Variants in KIAA1549L observed in about 807,000 individuals in gnomAD.
KIAA1549L encodes UPF0606 protein KIAA1549L.
Under a neutral mutation model 160.7 loss-of-function variants are expected in KIAA1549L, and 88 were observed. That is an observed-to-expected ratio of 0.55 (90% confidence interval 0.46 to 0.65). The LOEUF (loss-of-function observed/expected upper bound fraction) is 0.65, where lower values mean the gene tolerates loss of function less well. KIAA1549L is among the 30% of genes least tolerant of loss of function. The probability of loss-of-function intolerance (pLI) is 0.00; values close to 1 mark genes in which losing one functional copy is unlikely to be tolerated. For missense variants in KIAA1549L, 2,258 were observed against 2,437.5 expected (o/e 0.93, Z 1.55); for synonymous variants, 950 against 976.7 (o/e 0.97, Z 0.51).
In KIAA1549L at chr11:33,621,708, C is replaced by T. The variant is rs180790451; in HGVS notation, c.5409+3046C>T. Among the ~76,000 whole-genome samples, 7 of 152,004 alleles carry T rather than the reference C, an allele frequency of 4.6e-5. No individual in the cohort carries two copies. The East Asian group carries it at 7.7e-4, about 17-fold the overall frequency. ...TATGATTCTCAGGCAGAATAAAGAC[C>T]GAAGTGATTTTTCCTTTATCAGCCA... is the stretch of plus-strand genomic sequence containing the variant. On this transcript the variant is annotated intron_variant, in intron 16 of 20. Coordinates refer to ENST00000658780, the MANE Select transcript of KIAA1549L (RefSeq NM_012194.3).
chr11:33,555,159 A>G (rs954202228), intron 6 of KIAA1549L, among the ~76,000 whole-genome samples: 2 of 131,310 alleles, frequency 1.5e-5, no homozygotes, highest in Non-Finnish European at 3.3e-5. Context: ...AAAAATTAGT[A>G]TATTAAAGAA....
At chr11:33,548,047 G>A (rs974532450) in intron 4 of KIAA1549L, among the ~76,000 whole-genome samples, 168 bp downstream of exon 4, 2 of 152,168 alleles carry the variant, frequency 1.3e-5, no homozygotes, top group East Asian at 3.9e-4. Context: ...TGAGAAAAAG[G>A]TCAAATTTTG....
At chr11:33,661,879 C>CAAAA (rs59140753) in intron 20 of KIAA1549L, among the ~76,000 whole-genome samples, 5 of 36,286 alleles carry the variant, frequency 1.4e-4, no homozygotes, top group Admixed American at 3.6e-4. Context: ...GACTATGTCT[C>CAAAA]AAAAAAAAAA....
rs1028745774 is a variant in KIAA1549L at position 33,560,581 on chromosome 11, T to C, written c.4018+670T>C. 2.0e-5 allele frequency among the ~76,000 whole-genome samples: 3 copies of C among 152,206 alleles called. No homozygotes were observed. In the South Asian group the frequency reaches 6.2e-4, roughly 31 times the overall value. On this transcript the variant is annotated intron_variant, in intron 7 of 20. Coordinates refer to ENST00000658780, the MANE Select transcript of KIAA1549L (RefSeq NM_012194.3). ...TTCAGTTACATTATCCTCATTACCA[T>C]GCAACAGGCATAGATTTTGAAGATG...
chr11:33,638,174 A>G (rs1407915521), intron 16 of KIAA1549L, among the ~76,000 whole-genome samples: 1 of 152,230 alleles, frequency 6.6e-6, no homozygotes, highest in African/African-American at 2.4e-5. Context: ...CTTTGACAAA[A>G]GTGTACACCC....
At chr11:33,392,980 T>C (rs1850299688) in intron 1 of KIAA1549L, among the ~76,000 whole-genome samples, 1 of 152,112 alleles carries the variant, frequency 6.6e-6, no homozygotes, top group Non-Finnish European at 1.5e-5. Flanking sequence ...ATCTCCTAAT[T>C]GTCCCCTGTC....
chr11:33,467,216 A>G (rs1852081628), intron 1 of KIAA1549L, among the ~76,000 whole-genome samples: 1 of 152,114 alleles, frequency 6.6e-6, no homozygotes, highest in Non-Finnish European at 1.5e-5. Context: ...GCTGCTTGAA[A>G]ATTTGGAGAA....
intron 1 of KIAA1549L, among the ~76,000 whole-genome samples, chr11:33,397,320 T>C (rs1850398029): frequency 8.1e-6 from 1 of 123,342 alleles, no homozygotes; most frequent in Non-Finnish European, 1.7e-5. Flanking sequence ...GGTGATGAGG[T>C]GAGACTCTGT....
rs542494061 is a variant in KIAA1549L, at chr11:33,385,231, T to TGCCAAG, written c.238+8343_238+8344insCCAAGG. 1.5e-3 allele frequency among the ~76,000 whole-genome samples: 230 copies of TGCCAAG among 152,368 alleles called. 2 individuals are homozygous for TGCCAAG. Among genetic ancestry groups the TGCCAAG allele is most frequent in the African/African-American group, 5.3e-3 (219 of 41,590 alleles). On this transcript the variant is annotated intron_variant, in intron 1 of 20. Transcript: ENST00000658780. ...ATTGAAAAGACTATCCTTGGTCCAT[T>TGCCAAG]GACTTATCTTGGCACCATATATGTC...
chr11:33,642,902 A>G (rs1213680313), intron 16 of KIAA1549L, among the ~76,000 whole-genome samples: 1 of 152,212 alleles, frequency 6.6e-6, no homozygotes, highest in East Asian at 1.9e-4. Context: ...ACAAAGCTTG[A>G]TTGAATGCCA....
chr11:33,662,259 C>A (rs773651980), intron 20 of KIAA1549L, among the ~76,000 whole-genome samples: 2 of 152,078 alleles, frequency 1.3e-5, no homozygotes, highest in East Asian at 3.8e-4. Flanking sequence ...AGTGGCCACT[C>A]AATATTGCTG....
chr11:33,674,004 ACTTTGTACGTC>A lies in KIAA1549L; in HGVS notation c.*5854_*5864del, dbSNP rs1852728763. On this transcript the variant is annotated 3_prime_UTR_variant, in exon 21 of 21. Coordinates refer to ENST00000658780, the MANE Select transcript of KIAA1549L (RefSeq NM_012194.3). ...ATTTTAATGCTTCGCTTTCTAATGA[ACTTTGTACGTC>A]CTTAGCCTCTGCCGGGAACAGAGTG... 1 of 152,188 alleles carries A rather than the reference ACTTTGTACGTC, an allele frequency of 6.6e-6. No individual in the cohort carries two copies. Among genetic ancestry groups the A allele is most frequent in the African/African-American group, 2.4e-5 (1 of 41,436 alleles). The allele number at this position is 152,188 out of a possible 1,614,324, so 9.4% of individuals were successfully genotyped here. A position where few individuals can be genotyped will look rare whatever the true frequency, so the allele number is the denominator to read the frequency against.
intron 19 of KIAA1549L, 61 bp from the exon 20 acceptor site, chr11:33,660,802 G>C (rs1378760786): frequency 6.5e-7 from 1 of 1,538,974 alleles, no homozygotes; most frequent in Non-Finnish European, 8.9e-7. Flanking sequence ...TTGGCTCTTG[G>C]GTGGCTGGAT....
rs1854113282 is a variant in KIAA1549L at position 33,543,580 on chromosome 11, CCCT to C, written c.2023_2025del (p.Ser675del). On this transcript the variant is annotated inframe_deletion, in exon 2 of 21. Transcript: ENST00000658780. ...AGCTTCCAAACAGGTGAGAGCATCG[CCCT>C]CCTCCATGGATGTATATGATTCCTT... The C allele has an allele frequency of 6.2e-7, 1 of 1,613,920 alleles. No homozygotes were observed. The highest frequency in any genetic ancestry group is 8.5e-7 in the Non-Finnish European group (1 of 1,179,900).
chr11:33,626,134 C>G (rs1564930051), intron 16 of KIAA1549L, among the ~76,000 whole-genome samples: 2 of 148,750 alleles, frequency 1.3e-5, no homozygotes, highest in South Asian at 4.3e-4. Context: ...TGTTTTGGTA[C>G]CAGTACCATG....
intron 1 of KIAA1549L, among the ~76,000 whole-genome samples, chr11:33,400,163 G>T (rs1350410681): frequency 6.6e-6 from 1 of 152,198 alleles, no homozygotes; most frequent in African/African-American, 2.4e-5. Flanking sequence ...ACCTACAAAT[G>T]TGTAGAAATC....
At chr11:33,526,286 T>C (rs1428066780) in intron 1 of KIAA1549L, among the ~76,000 whole-genome samples, 1 of 152,192 alleles carries the variant, frequency 6.6e-6, no homozygotes, top group African/African-American at 2.4e-5. Context: ...CAGCTAATTC[T>C]ACCGCCTGCA....
In KIAA1549L at chr11:33,545,285, G is replaced by A. The variant is rs1283420650; in HGVS notation, c.3292G>A (p.Val1098Ile). The A allele has an allele frequency of 6.2e-7, 1 of 1,613,956 alleles. No homozygotes were observed. The highest frequency in any genetic ancestry group is 1.7e-5 in the Admixed American group (1 of 60,020). Residue 1098 changes from valine (V) to isoleucine (I), a missense_variant, in exon 3 of 21, where the codon GTC (valine) becomes ATC (isoleucine). Transcript: ENST00000658780. Reference protein sequence around the residue: ...PPLRAENTDAVLPAASAAVVT... With the variant: ...PPLRAENTDAILPAASAAVVT... ...ATTGCGAGCAGAAAACACAGATGCT[G>A]TCCTTCCTGCTGCATCGGCTGCAGT...
intron 1 of KIAA1549L, among the ~76,000 whole-genome samples, chr11:33,448,959 GC>G (rs1390416002): frequency 3.9e-5 from 6 of 152,022 alleles, no homozygotes; most frequent in African/African-American, 1.5e-4. Flanking sequence ...TCACCTCTTC[GC>G]ACACTTAGCG....
Sources: allele counts gnomAD v4.1 joint callset (sites outside exome capture counted in the v4.1 genomes callset), GRCh38; gene constraint gnomAD v4.1.1; transcripts MANE v1.5; gene names NCBI Gene and HGNC (gene_info 2026-07-23, HGNC 2026-07-21).